Variants in UBE2H observed in about 807,000 individuals in gnomAD.
The protein encoded by UBE2H is ubiquitin conjugating enzyme E2 H, also known as ubiquitin-conjugating enzyme E2 H.
In UBE2H, 3 loss-of-function variants were observed where a neutral mutation model predicts 29.0. The observed-to-expected ratio is 0.10, with a 90% CI of 0.05 to 0.27. The LOEUF (loss-of-function observed/expected upper bound fraction) is 0.27. UBE2H is among the 10% of genes least tolerant of loss of function. UBE2H has a pLI of 1.00. For synonymous variants in UBE2H, 69 were observed against 82.9 expected, an observed-to-expected ratio of 0.83 and a Z score of 0.91; for missense variants, 68 against 228.2, an observed-to-expected ratio of 0.30 and a Z score of 4.52.
intron 3 of UBE2H, among the ~76,000 whole-genome samples, chr7:129,871,248 C>T (rs1158549883): frequency 1.3e-5 from 2 of 152,218 alleles, no homozygotes; most frequent in African/African-American, 4.8e-5. Context: ...TGATGTATGC[C>T]ACAGCCAAAG....
At chr7:129,914,422 C>T (rs1398677953) in intron 1 of UBE2H, among the ~76,000 whole-genome samples, 1 of 152,296 alleles carries the variant, frequency 6.6e-6, no homozygotes, top group Non-Finnish European at 1.5e-5. Context: ...ACACCTTGGC[C>T]TCCCGAAGTG....
At chr7:129,859,430 A>AC (rs1186897539) in intron 3 of UBE2H, among the ~76,000 whole-genome samples, 1 of 152,214 alleles carries the variant, frequency 6.6e-6, no homozygotes, top group African/African-American at 2.4e-5. Flanking sequence ...CTAAAGGAAT[A>AC]CCACTTCAAA....
chr7:129,908,673 A>C (rs1295642820), intron 1 of UBE2H, among the ~76,000 whole-genome samples: 1 of 152,232 alleles, frequency 6.6e-6, no homozygotes, highest in Admixed American at 6.5e-5. Context: ...CAATCTAAAA[A>C]CCAGCAAAGC....
chr7:129,919,100 T>TAAAAAAAAAAAAAAAAAAAAAAAA (rs1204331286), intron 1 of UBE2H, among the ~76,000 whole-genome samples: 4 of 72,182 alleles, frequency 5.5e-5, no homozygotes, highest in Admixed American at 1.7e-4. Flanking sequence ...AAAAACAAAG[T>TAAAAAAAAAAAAAAAAAAAAAAAA]AAAAAAAAAA....
At chr7:129,946,658 T>C (rs1187062447) in intron 1 of UBE2H, among the ~76,000 whole-genome samples, 1 of 152,178 alleles carries the variant, frequency 6.6e-6, no homozygotes, top group Admixed American at 6.5e-5. Flanking sequence ...TTGTTTTTTG[T>C]TTTTTGAGAT....
intron 3 of UBE2H, among the ~76,000 whole-genome samples, chr7:129,871,047 C>A (rs543321139): frequency 2.4e-4 from 36 of 152,308 alleles, no homozygotes; most frequent in Middle Eastern, 3.4e-3. Context: ...ATATCTGATC[C>A]AAGGTACCTA....
chr7:129,854,060 G>GGTTTTTTTTTTTTTTTTATTTTTTTT (rs1554430936), intron 5 of UBE2H, among the ~76,000 whole-genome samples: 1 of 100,312 alleles, frequency 1.0e-5, no homozygotes. Flanking sequence ...TTTAGTGTTA[G>GGTTTTTTTTTTTTTTTTATTTTTTTT]TTTTTTTTTT....
chr7:129,903,592 A>C (rs1036194511), intron 1 of UBE2H, among the ~76,000 whole-genome samples: 1 of 148,340 alleles, frequency 6.7e-6, no homozygotes, highest in Non-Finnish European at 1.5e-5. Context: ...GCAAGACGCC[A>C]TATCTACAAA....
At chr7:129,852,595 G>A (rs1180542289) in intron 5 of UBE2H, among the ~76,000 whole-genome samples, 1 of 152,170 alleles carries the variant, frequency 6.6e-6, no homozygotes, top group African/African-American at 2.4e-5. Context: ...TTTCCCAAAT[G>A]TTGATTTTTC....
chr7:129,886,353 AT>A (rs2116386097), intron 1 of UBE2H, among the ~76,000 whole-genome samples: 1 of 152,328 alleles, frequency 6.6e-6, no homozygotes, highest in East Asian at 1.9e-4. Flanking sequence ...ACAATCTAAT[AT>A]TTAAAGGCAA....
In UBE2H at chr7:129,890,871, A is replaced by AC. The variant is rs1806469669; in HGVS notation, c.54-9901dup. On this transcript the variant is annotated intron_variant, in intron 1 of 6. Coordinates refer to ENST00000355621, the MANE Select transcript of UBE2H (RefSeq NM_003344.4). Reference sequence around the variant, plus strand: ...ACTTATAGGCTGGGCATGGTGGCTCACGCCTGTAATCCCAGCACTTTGGGA... The same window carrying AC: ...ACTTATAGGCTGGGCATGGTGGCTCACCGCCTGTAATCCCAGCACTTTGGGA... Among the ~76,000 whole-genome samples the AC allele has an allele frequency of 2.0e-5, 3 of 151,948 alleles. No individual in the cohort carries two copies. The South Asian group carries it at 6.3e-4, about 32-fold the overall frequency.
intron 1 of UBE2H, among the ~76,000 whole-genome samples, chr7:129,938,623 T>C (rs1018268172): frequency 6.6e-6 from 1 of 150,396 alleles, no homozygotes; most frequent in African/African-American, 2.4e-5. Flanking sequence ...TGAGAATTGT[T>C]TGAACCCGGG....
At chr7:129,883,307 C>T (rs1394383410) in intron 1 of UBE2H, among the ~76,000 whole-genome samples, 1 of 152,112 alleles carries the variant, frequency 6.6e-6, no homozygotes, top group Admixed American at 6.6e-5. Context: ...TATGGTTTCA[C>T]CCACTTTGAA....
intron 3 of UBE2H, among the ~76,000 whole-genome samples, chr7:129,862,612 T>C (rs775632302): frequency 6.6e-6 from 1 of 152,104 alleles, no homozygotes. Context: ...AGGAGCCACC[T>C]GGTACCAAGA....
chr7:129,865,928 T>G (rs1009981265), intron 3 of UBE2H, among the ~76,000 whole-genome samples: 2 of 152,082 alleles, frequency 1.3e-5, no homozygotes, highest in African/African-American at 4.8e-5. Context: ...AGAGTAGGGG[T>G]GTTCCAATTG....
intron 3 of UBE2H, among the ~76,000 whole-genome samples, chr7:129,876,609 T>C (rs916281910): frequency 2.6e-5 from 4 of 152,234 alleles, no homozygotes; most frequent in Non-Finnish European, 5.9e-5. Context: ...TCCATTCATC[T>C]TATTCTTTGG....
chr7:129,918,404 G>A (rs969902553), intron 1 of UBE2H, among the ~76,000 whole-genome samples: 6 of 151,078 alleles, frequency 4.0e-5, no homozygotes, highest in Non-Finnish European at 5.9e-5. Context: ...TGTCACCCAG[G>A]ATGGAGTGCA....
chr7:129,860,163 TC>T (rs1211472488), intron 3 of UBE2H, among the ~76,000 whole-genome samples: 1 of 152,110 alleles, frequency 6.6e-6, no homozygotes, highest in African/African-American at 2.4e-5. Flanking sequence ...CTGAGAAACT[TC>T]CCCTGAAGTA....
At chr7:129,883,616 C>T (rs879549174) in intron 1 of UBE2H, among the ~76,000 whole-genome samples, 13 of 152,320 alleles carry the variant, frequency 8.5e-5, no homozygotes, top group Admixed American at 2.0e-4. Context: ...CCAGGGCAGG[C>T]GGATCACTTG....
Sources: allele counts gnomAD v4.1 joint callset (sites outside exome capture counted in the v4.1 genomes callset), GRCh38; gene constraint gnomAD v4.1.1; transcripts MANE v1.5; gene names NCBI Gene and HGNC (gene_info 2026-07-23, HGNC 2026-07-21).